The following CSNK1G1 variants were observed in gnomAD, a reference collection of about 807,000 sequenced individuals.
CSNK1G1 encodes casein kinase I isoform gamma-1.
A neutral mutation model predicts 59.6 loss-of-function variants in CSNK1G1; 22 were observed. The observed-to-expected ratio is 0.37, with a 90% confidence interval of 0.26 to 0.53. The LOEUF is 0.53. CSNK1G1 is among the 20% of genes least tolerant of loss of function. CSNK1G1 has a pLI of 0.89. For synonymous variants in CSNK1G1, 179 were observed against 177.1 expected, an observed-to-expected ratio of 1.01 and a Z score of -0.08; for missense variants, 384 against 519.5, an observed-to-expected ratio of 0.74 and a Z score of 2.54.
chr15:64,346,581 C>T (rs1897992242), intron 1 of CSNK1G1, among the ~76,000 whole-genome samples: 1 of 151,952 alleles, frequency 6.6e-6, no homozygotes, highest in Non-Finnish European at 1.5e-5. Context: ...CCTCAGCCTC[C>T]TGAGTAGCTG....
intron 3 of CSNK1G1, among the ~76,000 whole-genome samples, chr15:64,252,487 T>C (rs779847393): frequency 5.3e-5 from 8 of 151,730 alleles, no homozygotes; most frequent in Middle Eastern, 3.2e-3. Context: ...TGTGGGATTA[T>C]AGGCATAAGC....
At chr15:64,262,457 T>C (rs1892746264) in intron 2 of CSNK1G1, among the ~76,000 whole-genome samples, 1 of 152,202 alleles carries the variant, frequency 6.6e-6, no homozygotes, top group Non-Finnish European at 1.5e-5. Context: ...TATGGATAAA[T>C]GATAGAAAAT....
In CSNK1G1 at chr15:64,278,377, C is replaced by CATGT. The variant is rs1555400346; in HGVS notation, c.182-19137_182-19136insACAT. Among the ~76,000 whole-genome samples, 9 of 111,486 alleles carry CATGT rather than the reference C, an allele frequency of 8.1e-5. No homozygotes were observed. The South Asian group carries it at 2.2e-3, about 27-fold the overall frequency. The allele number at this position is 111,486 out of a possible 152,430, so 73.1% of individuals were successfully genotyped here. ...GTAAAAGTATATATGCATGTATGTGCGTGTGTGTGTGTGTGTGTGTGTGTG... is the reference window on the plus strand; with the variant it reads ...GTAAAAGTATATATGCATGTATGTGCATGTGTGTGTGTGTGTGTGTGTGTGTGTG... On this transcript the variant is annotated intron_variant, in intron 2 of 11. Coordinates refer to ENST00000303052, the MANE Select transcript of CSNK1G1 (RefSeq NM_022048.5).
intron 2 of CSNK1G1, among the ~76,000 whole-genome samples, chr15:64,285,349 C>T (rs1467767076): frequency 6.6e-6 from 1 of 152,060 alleles, no homozygotes; most frequent in Non-Finnish European, 1.5e-5. Context: ...TTTGTGATGA[C>T]ATTGCAATAT....
intron 10 of CSNK1G1, among the ~76,000 whole-genome samples, chr15:64,186,199 C>T (rs1041393214): frequency 9.2e-5 from 14 of 152,164 alleles, no homozygotes; most frequent in African/African-American, 3.4e-4. Context: ...TTCTGCCTCC[C>T]GAGTTTAAGT....
intron 1 of CSNK1G1, among the ~76,000 whole-genome samples, chr15:64,313,791 GAA>G (rs762887326): frequency 2.4e-5 from 2 of 81,972 alleles, no homozygotes; most frequent in African/African-American, 4.3e-5. Flanking sequence ...CCTGCTGGGA[GAA>G]AAAAAAAAAA....
chr15:64,215,956 T>G (rs977721819), intron 5 of CSNK1G1, among the ~76,000 whole-genome samples: 22 of 152,140 alleles, frequency 1.4e-4, no homozygotes, highest in African/African-American at 4.8e-4. Flanking sequence ...ATAGGCTGGG[T>G]GCAGTGGTTC....
chr15:64,202,545 A>T lies in CSNK1G1; in HGVS notation c.1107+537T>A, dbSNP rs528181717. On this transcript the variant is annotated intron_variant, in intron 10 of 11. Transcript: ENST00000303052. ...AGCCAACAGACTCTGACAGGCCCAC[A>T]CACTTTTTTTTTTTTTTTTTTAAGA... 8.9e-5 allele frequency among the ~76,000 whole-genome samples: 13 copies of T among 145,354 alleles called. No homozygotes were observed. In the South Asian group the frequency reaches 2.6e-3, roughly 30 times the overall value.
At chr15:64,189,976 G>A (rs2081949470) in intron 10 of CSNK1G1, among the ~76,000 whole-genome samples, 1 of 152,036 alleles carries the variant, frequency 6.6e-6, no homozygotes, top group Non-Finnish European at 1.5e-5. Flanking sequence ...GCAGCACCAT[G>A]CCCGGCTAAT....
At chr15:64,262,560 G>C (rs1056216559) in intron 2 of CSNK1G1, among the ~76,000 whole-genome samples, 1 of 152,158 alleles carries the variant, frequency 6.6e-6, no homozygotes, top group Non-Finnish European at 1.5e-5. Context: ...CATCCACTAA[G>C]CTAAGGACAG....
intron 10 of CSNK1G1, among the ~76,000 whole-genome samples, chr15:64,193,368 C>T (rs1212322883): frequency 6.6e-6 from 1 of 151,818 alleles, no homozygotes; most frequent in Admixed American, 6.6e-5. Flanking sequence ...TGGTGCACAC[C>T]TGTAGTCCCA....
At chr15:64,196,985 T>C (rs1351693613) in intron 10 of CSNK1G1, among the ~76,000 whole-genome samples, 3 of 152,214 alleles carry the variant, frequency 2.0e-5, no homozygotes, top group African/African-American at 7.2e-5. Flanking sequence ...CACCCTTCAT[T>C]TGGCAGATTC....
chr15:64,240,039 G>T (rs2082673679), intron 4 of CSNK1G1, among the ~76,000 whole-genome samples: 1 of 152,130 alleles, frequency 6.6e-6, no homozygotes, highest in Non-Finnish European at 1.5e-5. Context: ...TTCAAGACCA[G>T]CCTGGCTAAC....
intron 6 of CSNK1G1, among the ~76,000 whole-genome samples, chr15:64,208,889 CTTTTTTTT>C (rs201279267): frequency 7.3e-6 from 1 of 136,640 alleles, no homozygotes; most frequent in South Asian, 2.4e-4. Context: ...TTTCTTTTTT[CTTTTTTTT>C]TTTTTTTTGA....
chr15:64,327,209 C>T (rs1196432950), intron 1 of CSNK1G1, among the ~76,000 whole-genome samples: 1 of 152,248 alleles, frequency 6.6e-6, no homozygotes, highest in African/African-American at 2.4e-5. Context: ...TTAGGCTCCA[C>T]CTCTGGGGGC....
intron 3 of CSNK1G1, among the ~76,000 whole-genome samples, chr15:64,258,169 C>T (rs539970645): frequency 1.6e-3 from 242 of 152,222 alleles, no homozygotes; most frequent in African/African-American, 5.8e-3. Flanking sequence ...GTAATCCCAG[C>T]ACTTTGGGAG....
intron 4 of CSNK1G1, among the ~76,000 whole-genome samples, chr15:64,224,874 A>G (rs753165734): frequency 6.6e-6 from 1 of 152,194 alleles, no homozygotes; most frequent in Non-Finnish European, 1.5e-5. Context: ...TTACATACAC[A>G]TAATTATGAA....
At chr15:64,203,230 C>A in intron 9 of CSNK1G1, 41 bp from the exon 10 acceptor site, 4 of 1,250,370 alleles carry the variant, frequency 3.2e-6, no homozygotes, top group Non-Finnish European at 4.7e-6. Context: ...GGAAACAGGT[C>A]CAACTTGATG....
At chr15:64,177,506 TGAG>T (rs1254964057) in intron 11 of CSNK1G1, among the ~76,000 whole-genome samples, 1 of 152,352 alleles carries the variant, frequency 6.6e-6, no homozygotes, top group East Asian at 1.9e-4. Flanking sequence ...CCCTAAGCCA[TGAG>T]CTTCGGGATG....
Sources: allele counts gnomAD v4.1 joint callset (sites outside exome capture counted in the v4.1 genomes callset), GRCh38; gene constraint gnomAD v4.1.1; transcripts MANE v1.5; gene names NCBI Gene and HGNC (gene_info 2026-07-23, HGNC 2026-07-21).